TMEM163: variants seen among roughly 807,000 people sequenced by gnomAD.
The protein encoded by TMEM163 is transmembrane protein 163.
TMEM163 carries 17 observed loss-of-function variants against 29.3 expected under a neutral mutation model. The observed-to-expected ratio is 0.58, with a 90% confidence interval of 0.40 to 0.87. The LOEUF is 0.87. Among genes scored for constraint, TMEM163 ranks in the 40% least tolerant of loss-of-function variants. TMEM163 has a pLI of 0.00. For synonymous variants in TMEM163, 157 were observed against 160.6 expected, an observed-to-expected ratio of 0.98 and a Z score of 0.17; for missense variants, 303 against 381.5, an observed-to-expected ratio of 0.79 and a Z score of 1.71.
rs758270334 is a variant in TMEM163 at position 134,550,559 on chromosome 2, A to G, written c.458+11T>C. 5 of 1,613,472 alleles carry G rather than the reference A, an allele frequency of 3.1e-6. No individual in the cohort carries two copies. The highest frequency in any genetic ancestry group is 4.5e-5 in the East Asian group (2 of 44,870). ...GTTCTTCAGCCTGGAGAAAGACAAG[A>G]ATCTACTTACATGTACTCCCTATGG... On this transcript the variant is annotated intron_variant, in intron 4 of 7. Coordinates refer to ENST00000281924, the MANE Select transcript of TMEM163 (RefSeq NM_030923.5).
chr2:134,553,253 T>C (rs1046982762), intron 2 of TMEM163, among the ~76,000 whole-genome samples: 5 of 152,184 alleles, frequency 3.3e-5, no homozygotes, highest in Non-Finnish European at 5.9e-5. Context: ...CTACATGGAC[T>C]TCCATCAGCT....
chr2:134,624,526 A>C (rs1682806930), intron 2 of TMEM163, among the ~76,000 whole-genome samples: 3 of 152,178 alleles, frequency 2.0e-5, no homozygotes, highest in Admixed American at 6.5e-5. Flanking sequence ...CTGGGTGATG[A>C]AATATTCTGT....
At chr2:134,467,137 A>G (rs1686687176) in intron 5 of TMEM163, 1 of 152,226 alleles carries the variant, frequency 6.6e-6, no homozygotes, top group Non-Finnish European at 1.5e-5. Context: ...TTGAAAAGCA[A>G]CTTCACTGGA....
intron 4 of TMEM163, among the ~76,000 whole-genome samples, chr2:134,542,815 C>G (rs761942558): frequency 6.6e-6 from 1 of 152,160 alleles, no homozygotes; most frequent in Non-Finnish European, 1.5e-5. Flanking sequence ...ATTAAACTTA[C>G]AGGGAAGCTC....
intron 2 of TMEM163, among the ~76,000 whole-genome samples, chr2:134,700,464 T>C (rs1055281809): frequency 6.2e-4 from 94 of 152,336 alleles, no homozygotes; most frequent in African/African-American, 2.1e-3. Context: ...TTATTCCTCA[T>C]TGGTTTCTGA....
intron 4 of TMEM163, among the ~76,000 whole-genome samples, chr2:134,516,877 C>T (rs1040539392): frequency 2.0e-5 from 3 of 151,160 alleles, no homozygotes; most frequent in Non-Finnish European, 4.4e-5. Flanking sequence ...GACTAAAATG[C>T]TACTCTAGAC....
chr2:134,575,391 C>T (rs1028614369), intron 2 of TMEM163, among the ~76,000 whole-genome samples: 1 of 152,164 alleles, frequency 6.6e-6, no homozygotes, highest in Non-Finnish European at 1.5e-5. Flanking sequence ...CGAGAATCGC[C>T]CCCTCAGCTG....
intron 5 of TMEM163, among the ~76,000 whole-genome samples, chr2:134,477,530 C>A (rs899894193): frequency 3.1e-4 from 47 of 152,096 alleles, no homozygotes; most frequent in African/African-American, 1.1e-3. Context: ...TCTGGACAAT[C>A]CAAATACTTC....
At chr2:134,516,752 TGA>T (rs1680076637) in intron 4 of TMEM163, among the ~76,000 whole-genome samples, 2 of 148,596 alleles carry the variant, frequency 1.3e-5, no homozygotes, top group East Asian at 2.0e-4. Flanking sequence ...CATATATATA[TGA>T]ATAGATATAT....
At position 134,561,872 on chromosome 2, in the gene TMEM163, C is replaced by A. The variant is rs79329702; in HGVS notation, c.323-9781G>T. 2.9e-3 allele frequency among the ~76,000 whole-genome samples: 441 copies of A among 152,350 alleles called. 22 individuals carry two copies. In the East Asian group the frequency reaches 0.081, roughly 28 times the overall value. ...TACTGAGCACCTACTATGTGTCCCA[C>A]ACTATTCTGCTGAGCTGGGGATACA... On this transcript the variant is annotated intron_variant, in intron 2 of 7. Transcript: ENST00000281924.
chr2:134,494,015 A>G (rs562960451), intron 5 of TMEM163, among the ~76,000 whole-genome samples: 4 of 152,218 alleles, frequency 2.6e-5, no homozygotes, highest in African/African-American at 7.2e-5. Flanking sequence ...CCAGAAATAG[A>G]CCTACACATA....
At chr2:134,504,098 C>A (rs78734485) in intron 4 of TMEM163, among the ~76,000 whole-genome samples, 1 of 152,136 alleles carries the variant, frequency 6.6e-6, no homozygotes, top group Admixed American at 6.5e-5. Flanking sequence ...ACCGTGGAGT[C>A]CCTTCTCTAG....
intron 2 of TMEM163, among the ~76,000 whole-genome samples, chr2:134,647,189 A>G (rs1441253757): frequency 6.6e-6 from 1 of 152,234 alleles, no homozygotes; most frequent in Non-Finnish European, 1.5e-5. Flanking sequence ...GCTCAAATTA[A>G]GTTTATATGA....
chr2:134,695,988 T>C (rs1684571497), intron 2 of TMEM163, among the ~76,000 whole-genome samples: 2 of 150,840 alleles, frequency 1.3e-5, no homozygotes, highest in Admixed American at 1.3e-4. Context: ...GAGGCGGAGG[T>C]TGCAGCAAGT....
chr2:134,481,380 G>GT (rs1380655523), intron 5 of TMEM163, among the ~76,000 whole-genome samples: 1 of 146,938 alleles, frequency 6.8e-6, no homozygotes, highest in Non-Finnish European at 1.5e-5. Flanking sequence ...TGAATCATGG[G>GT]GGGGGGGGGA....
At chr2:134,567,599 G>C (rs867273095) in intron 2 of TMEM163, among the ~76,000 whole-genome samples, 1 of 152,164 alleles carries the variant, frequency 6.6e-6, no homozygotes, top group South Asian at 2.1e-4. Context: ...GCTGAGGCAG[G>C]AGAATTGCTT....
intron 2 of TMEM163, among the ~76,000 whole-genome samples, chr2:134,611,323 G>A (rs1356983773): frequency 6.6e-6 from 1 of 152,140 alleles, no homozygotes; most frequent in Non-Finnish European, 1.5e-5. Flanking sequence ...TAGTAAAACA[G>A]GGAAATATAG....
At chr2:134,524,027 G>A (rs905956689) in intron 4 of TMEM163, among the ~76,000 whole-genome samples, 1 of 152,182 alleles carries the variant, frequency 6.6e-6, no homozygotes, top group Non-Finnish European at 1.5e-5. Flanking sequence ...GAGAAACCCT[G>A]TTCTACTCCA....
chr2:134,457,724 CTG>C (rs1686431276), intron 7 of TMEM163, among the ~76,000 whole-genome samples: 1 of 152,110 alleles, frequency 6.6e-6, no homozygotes, highest in African/African-American at 2.4e-5. Context: ...ATCATGAAGA[CTG>C]TCAGAGAGGA....
Sources: gnomAD v4.1 joint callset for allele counts (sites outside exome capture counted in the v4.1 genomes callset) on GRCh38, gnomAD v4.1.1 for gene constraint, MANE v1.5 for transcripts, NCBI Gene and HGNC (gene_info 2026-07-23, HGNC 2026-07-21) for gene names.